The following LRMDA variants were observed in gnomAD, a reference collection of about 807,000 sequenced individuals.
LRMDA encodes leucine-rich melanocyte differentiation-associated protein.
A neutral mutation model predicts 29.8 loss-of-function variants in LRMDA; 18 were observed. The observed-to-expected ratio is 0.60, with a 90% confidence interval of 0.42 to 0.90. The LOEUF is 0.90. Ranked by LOEUF, LRMDA falls within the 40% of genes least tolerant of loss-of-function variation. The pLI is 0.00. For synonymous variants in LRMDA, 125 were observed against 109.4 expected (o/e 1.14, Z -0.89); for missense variants, 273 against 273.9 (o/e 1.00, Z 0.02).
chr10:76,537,197 T>G (rs751616178), intron 6 of LRMDA, among the ~76,000 whole-genome samples: 5 of 152,234 alleles, frequency 3.3e-5, no homozygotes, highest in Non-Finnish European at 7.3e-5. Flanking sequence ...AGGCTTACTG[T>G]GTACATTCCC....
At chr10:75,448,117 G>T (rs1844415416) in intron 2 of LRMDA, among the ~76,000 whole-genome samples, 1 of 152,172 alleles carries the variant, frequency 6.6e-6, no homozygotes, top group African/African-American at 2.4e-5. Context: ...CTTCCCTGAG[G>T]TTCACTTTCT....
chr10:75,817,717 G>A (rs1018892655), intron 2 of LRMDA, among the ~76,000 whole-genome samples: 4 of 152,174 alleles, frequency 2.6e-5, no homozygotes, highest in African/African-American at 4.8e-5. Context: ...GAAAATAAGC[G>A]TTTGGGAGGG....
chr10:75,702,767 A>C (rs1282872737), intron 2 of LRMDA, among the ~76,000 whole-genome samples: 1 of 152,240 alleles, frequency 6.6e-6, no homozygotes, highest in Non-Finnish European at 1.5e-5. Flanking sequence ...TTTGGTTTGC[A>C]GCCTTAGGCT....
At chr10:75,897,578 T>C (rs1845604194) in intron 2 of LRMDA, among the ~76,000 whole-genome samples, 2 of 151,930 alleles carry the variant, frequency 1.3e-5, no homozygotes, top group African/African-American at 2.4e-5. Flanking sequence ...TTAAGGATTA[T>C]CTAATCAGTC....
At chr10:75,980,202 T>G (rs567646435) in intron 2 of LRMDA, among the ~76,000 whole-genome samples, 2 of 152,264 alleles carry the variant, frequency 1.3e-5, no homozygotes, top group East Asian at 3.9e-4. Context: ...TGTCCTAGAA[T>G]GTCTCCTAGG....
intron 2 of LRMDA, among the ~76,000 whole-genome samples, chr10:75,650,215 C>G (rs1235364820): frequency 6.6e-6 from 1 of 152,068 alleles, no homozygotes; most frequent in East Asian, 1.9e-4. Flanking sequence ...TGAAGCTTTC[C>G]CCCTATGTTT....
intron 5 of LRMDA, among the ~76,000 whole-genome samples, chr10:76,131,304 CTCAATGTAA>C (rs1437174690): frequency 1.3e-5 from 2 of 152,166 alleles, no homozygotes; most frequent in Non-Finnish European, 2.9e-5. Context: ...TTGTTCAGGA[CTCAATGTAA>C]AGCCACTTCT....
intron 4 of LRMDA, among the ~76,000 whole-genome samples, chr10:76,056,436 G>T (rs1848615802): frequency 6.6e-6 from 1 of 152,192 alleles, no homozygotes; most frequent in South Asian, 2.1e-4. Flanking sequence ...TTCCACCTAG[G>T]AGCCTGTCTG....
chr10:75,836,417 T>C (rs1844437818), intron 2 of LRMDA, among the ~76,000 whole-genome samples: 1 of 152,170 alleles, frequency 6.6e-6, no homozygotes, highest in Non-Finnish European at 1.5e-5. Context: ...GAAGAGGATA[T>C]TTAGTTTTTC....
chr10:75,710,957 C>T (rs148779626), intron 2 of LRMDA, among the ~76,000 whole-genome samples: 55 of 152,344 alleles, frequency 3.6e-4, no homozygotes, highest in African/African-American at 1.2e-3. Context: ...CCTTGAAAGG[C>T]AACATATTTG....
intron 5 of LRMDA, among the ~76,000 whole-genome samples, chr10:76,180,383 A>C (rs556143840): frequency 6.7e-6 from 1 of 149,496 alleles, no homozygotes; most frequent in South Asian, 2.1e-4. Context: ...AGGTTCAAAC[A>C]ATTTTCCTCC....
At chr10:76,524,772 T>C (rs2132366130) in intron 6 of LRMDA, among the ~76,000 whole-genome samples, 1 of 152,332 alleles carries the variant, frequency 6.6e-6, no homozygotes, top group South Asian at 2.1e-4. Context: ...GAAAGGAAAT[T>C]GCCAGTGGCA....
intron 2 of LRMDA, among the ~76,000 whole-genome samples, chr10:75,453,574 A>G (rs1039959979): frequency 5.3e-5 from 8 of 152,218 alleles, no homozygotes; most frequent in African/African-American, 1.9e-4. Context: ...ACAACCCTCT[A>G]GAGGTTTAAA....
chr10:75,924,418 G>A (rs531030824), intron 2 of LRMDA, among the ~76,000 whole-genome samples: 13 of 152,318 alleles, frequency 8.5e-5, no homozygotes, highest in African/African-American at 2.9e-4. Context: ...ATGGATATCA[G>A]CAGAAAGTGC....
chr10:76,068,189 G>T (rs1290357836), intron 5 of LRMDA, among the ~76,000 whole-genome samples: 2 of 152,170 alleles, frequency 1.3e-5, no homozygotes, highest in African/African-American at 4.8e-5. Flanking sequence ...TGCTACTATA[G>T]GTAATAGCAG....
chr10:75,839,065 C>G (rs1027044575), intron 2 of LRMDA, among the ~76,000 whole-genome samples: 4 of 152,178 alleles, frequency 2.6e-5, no homozygotes, highest in African/African-American at 7.2e-5. Flanking sequence ...CTATCCTTCA[C>G]TTAGCTTTTT....
At chr10:76,529,431 G>A (rs536699174) in intron 6 of LRMDA, among the ~76,000 whole-genome samples, 5 of 152,188 alleles carry the variant, frequency 3.3e-5, no homozygotes, top group Middle Eastern at 3.4e-3. Flanking sequence ...CATTATGAGT[G>A]TCCCCATTTT....
intron 6 of LRMDA, among the ~76,000 whole-genome samples, chr10:76,463,787 G>T (rs529148716): frequency 6.6e-6 from 1 of 152,066 alleles, no homozygotes; most frequent in African/African-American, 2.4e-5. Flanking sequence ...GAGTTTGTCC[G>T]CTTGTGTATT....
At chr10:75,675,740 T>G (rs1195995017) in intron 2 of LRMDA, among the ~76,000 whole-genome samples, 1 of 152,176 alleles carries the variant, frequency 6.6e-6, no homozygotes, top group Non-Finnish European at 1.5e-5. Flanking sequence ...AAAACTATCT[T>G]TACCAGTTGA....
Sources: gnomAD v4.1 joint callset for allele counts (sites outside exome capture counted in the v4.1 genomes callset) on GRCh38, gnomAD v4.1.1 for gene constraint, MANE v1.5 for transcripts, NCBI Gene and HGNC (gene_info 2026-07-23, HGNC 2026-07-21) for gene names.